The following TBC1D14 variants were observed in gnomAD, a reference collection of about 807,000 sequenced individuals.
TBC1D14 encodes TBC1 domain family, member 14.
In TBC1D14, 26 loss-of-function variants were observed where a neutral mutation model predicts 79.0. That is an observed-to-expected ratio of 0.33 (90% CI 0.24 to 0.46). The LOEUF is 0.46. Ranked by LOEUF, TBC1D14 falls within the 20% of genes least tolerant of loss-of-function variation. The pLI is 1.00. For synonymous variants in TBC1D14, 394 were observed against 349.9 expected, an observed-to-expected ratio of 1.13 and a Z score of -1.40; for missense variants, 769 against 887.6, an observed-to-expected ratio of 0.87 and a Z score of 1.70.
intron 8 of TBC1D14, among the ~76,000 whole-genome samples, chr4:7,005,479 G>C (rs1720091908): frequency 6.6e-6 from 1 of 152,188 alleles, no homozygotes; most frequent in Admixed American, 6.5e-5. Context: ...AGGTTGCAGG[G>C]AGCCAAGACC....
At chr4:6,950,742 G>A (rs773795304) in intron 2 of TBC1D14, among the ~76,000 whole-genome samples, 3 of 151,834 alleles carry the variant, frequency 2.0e-5, no homozygotes, top group African/African-American at 7.3e-5. Flanking sequence ...AATTAACTTC[G>A]CATTCTTAGA....
chr4:6,987,073 C>A, intron 3 of TBC1D14: 1 of 851,842 alleles, frequency 1.2e-6, no homozygotes, highest in Non-Finnish European at 1.5e-6. Flanking sequence ...CACGGGGACG[C>A]CCCAGCCCCG....
chr4:6,944,269 A>G (rs543561279), intron 2 of TBC1D14, among the ~76,000 whole-genome samples: 2 of 152,266 alleles, frequency 1.3e-5, no homozygotes, highest in African/African-American at 2.4e-5. Context: ...TAGAGGAAAC[A>G]TTTCTCAGCA....
chr4:6,952,766 C>G (rs1222752797), intron 2 of TBC1D14, among the ~76,000 whole-genome samples: 1 of 152,096 alleles, frequency 6.6e-6, no homozygotes, highest in African/African-American at 2.4e-5. Context: ...GGCTAGTTGA[C>G]ATAACTGAAT....
chr4:7,000,826 G>T (rs528785352), intron 6 of TBC1D14, among the ~76,000 whole-genome samples: 1 of 152,328 alleles, frequency 6.6e-6, no homozygotes, highest in South Asian at 2.1e-4. Context: ...GCTTTTTCCT[G>T]TGTTTTCTGC....
At chr4:6,989,785 A>G (rs1577130988) in intron 3 of TBC1D14, among the ~76,000 whole-genome samples, 1 of 152,082 alleles carries the variant, frequency 6.6e-6, no homozygotes, top group East Asian at 1.9e-4. Flanking sequence ...GGCTCTGCTC[A>G]GGCACCCTGC....
At chr4:7,010,840 T>C in intron 11 of TBC1D14, 59 bp downstream of exon 11, 2 of 1,561,116 alleles carry the variant, frequency 1.3e-6, no homozygotes, top group Non-Finnish European at 1.7e-6. Flanking sequence ...AAGAGTTGCT[T>C]ACTCGTCTGT....
chr4:6,912,087 G>A (rs1200683018), intron 1 of TBC1D14, among the ~76,000 whole-genome samples: 1 of 152,054 alleles, frequency 6.6e-6, no homozygotes, highest in African/African-American at 2.4e-5. Flanking sequence ...TTTGTTTTAG[G>A]ACCACGTATA....
rs558906550 is a variant in TBC1D14, at chr4:6,972,503, C to T, written c.843+5079C>T. On this transcript the variant is annotated intron_variant, in intron 3 of 13. Coordinates refer to ENST00000409757, the MANE Select transcript of TBC1D14 (RefSeq NM_020773.3). ...ACCTTTTCGGTTTCCTTTGCTAGGT[C>T]CCTCATCTTCCCCATCCTCTAAATG... 1.1e-3 allele frequency among the ~76,000 whole-genome samples: 172 copies of T among 152,280 alleles called. 1 individual carries two copies. Among genetic ancestry groups the T allele is most frequent in the Non-Finnish European group, 1.4e-3 (92 of 68,034 alleles).
At chr4:6,968,688 C>CTGGGAGGAG (rs55781424) in intron 3 of TBC1D14, among the ~76,000 whole-genome samples, 4 of 144,474 alleles carry the variant, frequency 2.8e-5, no homozygotes, top group African/African-American at 4.9e-5. Context: ...GGAGGCTGAC[C>CTGGGAGGAG]GCCGAGAGGA....
intron 2 of TBC1D14, among the ~76,000 whole-genome samples, chr4:6,953,011 A>G (rs1196039223): frequency 2.0e-5 from 2 of 98,970 alleles, no homozygotes; most frequent in African/African-American, 7.7e-5. Flanking sequence ...CTAGCTAACT[A>G]TTTTTTTCTT....
intron 3 of TBC1D14, among the ~76,000 whole-genome samples, chr4:6,982,921 AGAG>A (rs1717509191): frequency 6.6e-6 from 1 of 152,246 alleles, no homozygotes; most frequent in Admixed American, 6.5e-5. Flanking sequence ...ATTTCTTTGG[AGAG>A]GAGAACAAAC....
At chr4:6,916,135 A>AG (rs1212621268) in intron 1 of TBC1D14, among the ~76,000 whole-genome samples, 8 of 150,484 alleles carry the variant, frequency 5.3e-5, no homozygotes, top group Non-Finnish European at 1.5e-5. Flanking sequence ...TCAGGAAAAA[A>AG]AAAAAAAAGG....
At position 6,947,562 on chromosome 4, in the gene TBC1D14, T is replaced by C. The variant is rs1055956150; in HGVS notation, c.723-19742T>C. ...CTGTAATCCCACCTACTCAGGAGGC[T>C]GAGGCAGGAGAATCCCTTGAACCCG... is the stretch of plus-strand genomic sequence containing the variant. On this transcript the variant is annotated intron_variant, in intron 2 of 13. Transcript: ENST00000409757. Among the ~76,000 whole-genome samples the C allele has an allele frequency of 2.7e-5, 4 of 150,466 alleles. No homozygotes were observed. In the Admixed American group the frequency reaches 2.7e-4, roughly 10 times the overall value.
At chr4:6,983,436 A>C (rs1275874896) in intron 3 of TBC1D14, among the ~76,000 whole-genome samples, 1 of 152,156 alleles carries the variant, frequency 6.6e-6, no homozygotes, top group Non-Finnish European at 1.5e-5. Flanking sequence ...TTTTACATTG[A>C]GCTTTCTAGT....
intron 1 of TBC1D14, among the ~76,000 whole-genome samples, chr4:6,918,250 C>A (rs1011168810): frequency 6.6e-6 from 1 of 152,202 alleles, no homozygotes; most frequent in Non-Finnish European, 1.5e-5. Flanking sequence ...TGAATGAAAT[C>A]CTATAGTTTC....
chr4:6,956,016 G>C (rs1714601057), intron 2 of TBC1D14, among the ~76,000 whole-genome samples: 2 of 152,124 alleles, frequency 1.3e-5, no homozygotes, highest in South Asian at 4.1e-4. Flanking sequence ...TCAATAATCT[G>C]AGTGTTTTAC....
At chr4:6,948,865 A>G (rs569690665) in intron 2 of TBC1D14, among the ~76,000 whole-genome samples, 24 of 151,142 alleles carry the variant, frequency 1.6e-4, no homozygotes, top group Non-Finnish European at 2.8e-4. Context: ...ACGCCTGGCT[A>G]ATTTTTGTAT....
chr4:6,949,675 T>C (rs1713837819), intron 2 of TBC1D14, among the ~76,000 whole-genome samples: 1 of 70,310 alleles, frequency 1.4e-5, no homozygotes, highest in Non-Finnish European at 2.8e-5. Context: ...AGAGCAAGAC[T>C]CCGTCTCAAA....
Sources: gnomAD v4.1 joint callset for allele counts (sites outside exome capture counted in the v4.1 genomes callset) on GRCh38, gnomAD v4.1.1 for gene constraint, MANE v1.5 for transcripts, NCBI Gene and HGNC (gene_info 2026-07-23, HGNC 2026-07-21) for gene names.